SMARCA1: variants seen among roughly 807,000 people sequenced by gnomAD.
SMARCA1 encodes the protein SWI/SNF-related matrix-associated actin-dependent regulator of chromatin subfamily A member 1.
Under a neutral mutation model 93.6 loss-of-function variants are expected in SMARCA1, and 17 were observed. That is an observed-to-expected ratio of 0.18 (90% CI 0.12 to 0.27). The LOEUF (loss-of-function observed/expected upper bound fraction) is 0.27. Ranked by LOEUF, SMARCA1 falls within the 10% of genes least tolerant of loss-of-function variation. The probability of loss-of-function intolerance (pLI) is 1.00; values close to 1 mark genes in which losing one functional copy is unlikely to be tolerated. For synonymous variants in SMARCA1, 271 were observed against 271.4 expected (o/e 1.00, Z 0.01); for missense variants, 630 against 819.0 (o/e 0.77, Z 2.82).
intron 17 of SMARCA1, among the ~76,000 whole-genome samples, chrX:129,485,162 T>G (rs1164911011): frequency 8.9e-6 from 1 of 112,000 alleles, no homozygotes; most frequent in Non-Finnish European, 1.9e-5. Flanking sequence ...ATACTCTAAT[T>G]CATGAGAACA....
intron 24 of SMARCA1, 63 bp downstream of exon 24, chrX:129,448,270 G>A (rs761842553): frequency 1.9e-6 from 2 of 1,028,398 alleles, no homozygotes; most frequent in Non-Finnish European, 2.7e-6. Context: ...CATAATATAG[G>A]CATTTTAATT....
At chrX:129,471,425 A>G in intron 19 of SMARCA1, 99 bp from the exon 20 acceptor site, 2 of 535,212 alleles carry the variant, frequency 3.7e-6, no homozygotes, top group Non-Finnish European at 5.8e-6. Context: ...TTCAAGAGTA[A>G]ACAATATAAA....
chrX:129,464,618 TA>T (rs769446238), intron 23 of SMARCA1, among the ~76,000 whole-genome samples: 86 of 112,284 alleles, frequency 7.7e-4, no homozygotes, highest in African/African-American at 2.7e-3. Flanking sequence ...TGTTTCCTAA[TA>T]AAAAACTCAA....
intron 23 of SMARCA1, among the ~76,000 whole-genome samples, chrX:129,455,638 A>C (rs1381560116): frequency 8.9e-6 from 1 of 111,741 alleles, no homozygotes; most frequent in African/African-American, 3.3e-5. Context: ...CACTGAACAC[A>C]CAAGTGATAA....
intron 19 of SMARCA1, among the ~76,000 whole-genome samples, chrX:129,475,176 C>T (rs1322378101): frequency 9.4e-6 from 1 of 106,859 alleles, no homozygotes; most frequent in Non-Finnish European, 1.9e-5. Context: ...TCATGAGGTT[C>T]GTATCAGCAT....
intron 6 of SMARCA1, among the ~76,000 whole-genome samples, chrX:129,508,432 T>C (rs764091691): frequency 4.4e-5 from 5 of 112,523 alleles, no homozygotes; most frequent in South Asian, 7.4e-4. Context: ...CAAAAGAACA[T>C]AGACAAAGTA....
chrX:129,515,418 C>T (rs1420239430), intron 5 of SMARCA1, among the ~76,000 whole-genome samples: 1 of 110,424 alleles, frequency 9.1e-6, no homozygotes, highest in African/African-American at 3.3e-5. Context: ...GTCGCAGCTA[C>T]TCAGGAGGCT....
chrX:129,479,336 C>T (rs1933538412), intron 19 of SMARCA1, among the ~76,000 whole-genome samples: 1 of 110,851 alleles, frequency 9.0e-6, no homozygotes, highest in Non-Finnish European at 1.9e-5. Context: ...TAATAATTAT[C>T]ATTAATTTTC....
At chrX:129,513,012 T>C (rs1569449329) in intron 5 of SMARCA1, among the ~76,000 whole-genome samples, 1 of 112,116 alleles carries the variant, frequency 8.9e-6, no homozygotes. Flanking sequence ...ATGGAACATA[T>C]GTATGAATGT....
chrX:129,493,802 G>A (rs747773846), intron 12 of SMARCA1, among the ~76,000 whole-genome samples: 2 of 112,136 alleles, frequency 1.8e-5, no homozygotes, highest in Admixed American at 9.5e-5. Flanking sequence ...CTATAAAAGT[G>A]AGGAGGCCAA....
intron 9 of SMARCA1, among the ~76,000 whole-genome samples, chrX:129,502,716 A>G (rs1034680398): frequency 2.7e-5 from 3 of 111,650 alleles, no homozygotes; most frequent in Non-Finnish European, 5.6e-5. Flanking sequence ...ACTGTTTTGC[A>G]TATGTGTGAG....
At chrX:129,512,241 C>A (rs150030452) in intron 5 of SMARCA1, among the ~76,000 whole-genome samples, 1 of 112,009 alleles carries the variant, frequency 8.9e-6, no homozygotes, top group East Asian at 2.8e-4. Flanking sequence ...AAGCAACTTT[C>A]TATTTAGAAC....
chrX:129,457,813 T>C (rs770945715), intron 23 of SMARCA1, among the ~76,000 whole-genome samples: 8 of 112,081 alleles, frequency 7.1e-5, no homozygotes. Flanking sequence ...GATTTCCTAT[T>C]CCATATGACA....
chrX:129,518,560 C>T, intron 1 of SMARCA1, 113 bp from the exon 2 acceptor site: 1 of 429,461 alleles, frequency 2.3e-6, no homozygotes, highest in Non-Finnish European at 4.0e-6. Context: ...ATATATAAAT[C>T]AATGTGGGAC....
rs772135844 is a variant in SMARCA1, at chrX:129,523,199, CCTT to C, written c.169_171del (p.Lys57del). The stretch of plus-strand genomic sequence containing the variant: ...ACACACACCCCCTTCCTATTTACCT[CCTT>C]CTTCTTCTCGCCCTTCTCCGTGGCC... On this transcript the variant is annotated inframe_deletion, in exon 1 of 25. Coordinates refer to ENST00000371121, the MANE Select transcript of SMARCA1 (RefSeq NM_001282874.2). 2.0e-5 allele frequency: 24 copies of C among 1,209,540 alleles called. No homozygotes were observed. The highest frequency in any genetic ancestry group is 1.3e-4 in the Admixed American group (6 of 45,946).
chrX:129,448,109 A>T (rs1932093125), intron 24 of SMARCA1, among the ~76,000 whole-genome samples: 1 of 106,977 alleles, frequency 9.3e-6, no homozygotes. Context: ...GGAATTTTTT[A>T]AAATACTGAG....
In SMARCA1 at chrX:129,523,367, C is replaced by T; in HGVS notation, c.4G>A (p.Glu2Lys). M[E>K]QDTAAVAATV... ...GCTGCCACTGCGGCAGTGTCCTGCT[C>T]CATGCCGTGGGAGCGGGAACGAGTA... is the stretch of plus-strand genomic sequence containing the variant. Residue 2 changes from glutamate (E) to lysine (K), a missense_variant, in exon 1 of 25, where the codon GAG (glutamate) becomes AAG (lysine). Physicochemically the swap from Glu to Lys is moderately conservative, Grantham distance 56 (BLOSUM62 1). Transcript: ENST00000371121. 8.6e-7 allele frequency: 1 copy of T among 1,167,379 alleles called. No individual in the cohort carries two copies. Among genetic ancestry groups the T allele is most frequent in the Non-Finnish European group, 1.1e-6 (1 of 876,154 alleles).
At chrX:129,466,601 G>A (rs1184557947) in intron 21 of SMARCA1, among the ~76,000 whole-genome samples, 1 of 111,065 alleles carries the variant, frequency 9.0e-6, no homozygotes, top group East Asian at 2.8e-4. Context: ...GTTGCAGTGA[G>A]CCGAGATCGC....
At position 129,447,142 on chromosome X, in the gene SMARCA1, T is replaced by A; in HGVS notation, c.*20A>T. 2.6e-6 allele frequency: 3 copies of A among 1,133,843 alleles called. No individual in the cohort carries two copies. The highest frequency in any genetic ancestry group is 3.5e-6 in the Non-Finnish European group (3 of 856,577). The allele number at this position is 1,133,843 out of a possible 1,213,427, so 93.4% of individuals were successfully genotyped here. On this transcript the variant is annotated 3_prime_UTR_variant, in exon 25 of 25. Transcript: ENST00000371121. ...AACAAGAAAATAGCAGTTTCCCATTTAAAACTTTATTTCTAGGCTTTAGGA... is the reference window on the plus strand; with the variant it reads ...AACAAGAAAATAGCAGTTTCCCATTAAAAACTTTATTTCTAGGCTTTAGGA...
Sources: gnomAD v4.1 joint callset for allele counts (sites outside exome capture counted in the v4.1 genomes callset) on GRCh38, gnomAD v4.1.1 for gene constraint, MANE v1.5 for transcripts, NCBI Gene and HGNC (gene_info 2026-07-23, HGNC 2026-07-21) for gene names.